COLEC11: variants seen among roughly 807,000 people sequenced by gnomAD.
COLEC11 encodes collectin subfamily member 11.
COLEC11 carries 20 observed loss-of-function variants against 27.3 expected under a neutral mutation model. The ratio of observed to expected loss-of-function variants is 0.73; its 90% CI spans 0.51 to 1.06. The LOEUF (loss-of-function observed/expected upper bound fraction) is 1.06. Among genes scored for constraint, COLEC11 ranks in the 50% least tolerant of loss-of-function variants. The pLI is 0.00. For missense variants in COLEC11, 310 were observed against 383.0 expected, an observed-to-expected ratio of 0.81 and a Z score of 1.59; for synonymous variants, 163 against 154.7, an observed-to-expected ratio of 1.05 and a Z score of -0.40.
rs187190776 is a variant in COLEC11 at position 3,624,250 on chromosome 2, G to A, written c.202+10868G>A. Among the ~76,000 whole-genome samples the A allele has an allele frequency of 8.1e-3, 1,236 of 152,310 alleles. 11 individuals are homozygous for A. The highest frequency in any genetic ancestry group is 0.058 in the Middle Eastern group (17 of 294). On this transcript the variant is annotated intron_variant, in intron 3 of 6. Transcript: ENST00000349077. ...AGATGCTGGCACTTGCCATCTGTGG[G>A]GGTGCCTTTGGGGAGCTGGCAGAGT...
rs1218216522 is a variant in COLEC11 at position 3,637,604 on chromosome 2, G to A, written c.274G>A (p.Gly92Ser). The change falls in exon 4 of 7, where the codon GGT (glycine) becomes AGT (serine). Residue 92 changes from glycine (G) to serine (S), a missense_variant and splice_region_variant. Coordinates refer to ENST00000349077, the MANE Select transcript of COLEC11 (RefSeq NM_024027.5). ...HGKIGPIGSK[G>S]EKGDSGDIGP... is the part of the protein sequence containing the mutation. ...AAAAATTGGTCCCATTGGCTCTAAAGGTATTTGCAATGCGATTCTTGCCTC... is the reference window on the plus strand; with the variant it reads ...AAAAATTGGTCCCATTGGCTCTAAAAGTATTTGCAATGCGATTCTTGCCTC... 2 of 1,613,430 alleles carry A rather than the reference G, an allele frequency of 1.2e-6. No individual in the cohort carries two copies. Among genetic ancestry groups the A allele is most frequent in the Non-Finnish European group, 1.7e-6 (2 of 1,179,366 alleles).
intron 3 of COLEC11, among the ~76,000 whole-genome samples, chr2:3,620,465 CA>C (rs1442593638): frequency 1.3e-5 from 2 of 151,514 alleles, no homozygotes; most frequent in Admixed American, 6.6e-5. Context: ...AAAGGTTCGT[CA>C]ATTTTTTTTT....
At chr2:3,643,335 G>A in intron 5 of COLEC11, 109 bp from the exon 6 acceptor site, 2 of 922,404 alleles carry the variant, frequency 2.2e-6, no homozygotes, top group Non-Finnish European at 3.6e-6. Context: ...AAAGGCCCGT[G>A]GGGCACGTTT....
At chr2:3,643,615 C>T in intron 6 of COLEC11, 76 bp downstream of exon 6, 1 of 1,594,878 alleles carries the variant, frequency 6.3e-7, no homozygotes, top group Non-Finnish European at 8.6e-7. Flanking sequence ...AAGGGCTCTG[C>T]CGTGCCCACG....
chr2:3,603,337 G>T, intron 1 of COLEC11: 3 of 206,818 alleles, frequency 1.5e-5, no homozygotes, highest in South Asian at 1.3e-4. Context: ...ATTTTTTTTT[G>T]GGACGGAGTC....
intron 3 of COLEC11, among the ~76,000 whole-genome samples, chr2:3,633,203 T>C (rs977397339): frequency 2.6e-5 from 4 of 152,146 alleles, no homozygotes; most frequent in Admixed American, 6.5e-5. Context: ...AGGACCGGGA[T>C]GGTGAGGCCC....
At chr2:3,616,495 G>T (rs1370881944) in intron 3 of COLEC11, among the ~76,000 whole-genome samples, 1 of 152,236 alleles carries the variant, frequency 6.6e-6, no homozygotes, top group Admixed American at 6.5e-5. Context: ...ACGAGACTCC[G>T]TCTGCAATCC....
chr2:3,637,479 A>C, intron 3 of COLEC11, 54 bp from the exon 4 acceptor site: 1 of 1,387,856 alleles, frequency 7.2e-7, no homozygotes, highest in Non-Finnish European at 1.0e-6. Flanking sequence ...GTGATGGAGG[A>C]GGCCACGGTG....
rs141032325 is a variant in COLEC11, at chr2:3,606,208, C to G, written c.130+1738C>G. The G allele has an allele frequency of 5.4e-4, 830 of 1,550,416 alleles. 1 individual carries two copies. In the African/African-American group the frequency reaches 0.01, roughly 19 times the overall value. ...CCCTGCCCAATGTGGTGGGTGCCTCCGAGTCCCTACGGTTGTCTTCCCTGC... is the reference window on the plus strand; with the variant it reads ...CCCTGCCCAATGTGGTGGGTGCCTCGGAGTCCCTACGGTTGTCTTCCCTGC... On this transcript the variant is annotated intron_variant, in intron 2 of 6. Transcript: ENST00000349077.
chr2:3,626,664 C>T (rs1418533906), intron 3 of COLEC11, among the ~76,000 whole-genome samples: 1 of 152,210 alleles, frequency 6.6e-6, no homozygotes, highest in African/African-American at 2.4e-5. Context: ...TTCTGATAAT[C>T]GTGGCTGTTT....
At position 3,643,473 on chromosome 2, in the gene COLEC11, A is replaced by G; in HGVS notation, c.358A>G (p.Lys120Glu). The G allele has an allele frequency of 1.9e-6, 3 of 1,613,812 alleles. No individual in the cohort carries two copies. Among genetic ancestry groups the G allele is most frequent in the African/African-American group, 1.3e-5 (1 of 75,068 alleles). ...GLPCECSQLRKAIGEMDNQVS... is the reference protein window; with the variant it reads ...GLPCECSQLREAIGEMDNQVS... ...CCCATGTGAGTGCAGCCAGCTGCGCAAGGCCATCGGGGAGATGGACAACCA... is the reference window on the plus strand; with the variant it reads ...CCCATGTGAGTGCAGCCAGCTGCGCGAGGCCATCGGGGAGATGGACAACCA... The change falls in exon 6 of 7, where the codon AAG (lysine) becomes GAG (glutamate). Residue 120 changes from lysine to glutamate, a missense_variant. Transcript: ENST00000349077.
intron 3 of COLEC11, among the ~76,000 whole-genome samples, chr2:3,627,332 C>G (rs13011592): frequency 1.5e-5 from 2 of 132,204 alleles, no homozygotes; most frequent in Admixed American, 7.3e-5. Context: ...GGGGGCATGA[C>G]GATGGGGTGG....
Position 3,630,779 on chromosome 2 carries a change from C to T in COLEC11, c.203-6754C>T, listed in dbSNP as rs145958910. ...TACATGTTATTCTTCTTTGGTCCTC[C>T]ACAAAGAGAACAAGCAAAATGCCTT... On this transcript the variant is annotated intron_variant, in intron 3 of 6. Coordinates refer to ENST00000349077, the MANE Select transcript of COLEC11 (RefSeq NM_024027.5). Among the ~76,000 whole-genome samples the T allele has an allele frequency of 7.2e-3, 1,098 of 152,266 alleles. 10 individuals carry two copies. The highest frequency in any genetic ancestry group is 0.051 in the Middle Eastern group (15 of 294).
Position 3,644,143 on chromosome 2 carries a change from G to A in COLEC11, c.*25G>A. Reference sequence around the variant, plus strand: ...AGCCTCAGGCTGGGGCTGCCCATTGGGGGCCCCACATGTCCCTGCAGGGTT... The same window carrying A: ...AGCCTCAGGCTGGGGCTGCCCATTGAGGGCCCCACATGTCCCTGCAGGGTT... On this transcript the variant is annotated 3_prime_UTR_variant, in exon 7 of 7. Transcript: ENST00000349077. 2 of 1,603,580 alleles carry A rather than the reference G, an allele frequency of 1.2e-6. No homozygotes were observed. The highest frequency in any genetic ancestry group is 8.5e-7 in the Non-Finnish European group (1 of 1,179,976).
rs772312145 is a variant in COLEC11, at chr2:3,643,743, C to T, written c.441C>T (p.Arg147=). The part of the protein sequence containing the change: ...KFIKNAVAGV[R]ETESKIYLLV... ...ACCCCACAGCTGTCGCCGGTGTGCGCGAGACGGAGAGCAAGATCTACCTGC... is the reference window on the plus strand; with the variant it reads ...ACCCCACAGCTGTCGCCGGTGTGCGTGAGACGGAGAGCAAGATCTACCTGC... The change falls in exon 7 of 7, where the codon CGC becomes CGT. Residue 147 remains arginine, a synonymous_variant. Coordinates refer to ENST00000349077, the MANE Select transcript of COLEC11 (RefSeq NM_024027.5). 15 of 1,613,630 alleles carry T rather than the reference C, an allele frequency of 9.3e-6. No individual in the cohort carries two copies. The highest frequency in any genetic ancestry group is 4.5e-5 in the East Asian group (2 of 44,880).
chr2:3,626,692 T>C (rs1001727640), intron 3 of COLEC11, among the ~76,000 whole-genome samples: 1 of 152,374 alleles, frequency 6.6e-6, no homozygotes, highest in East Asian at 1.9e-4. Context: ...CTGTAAGTGC[T>C]CTGTTCTGGA....
chr2:3,636,806 G>A (rs537291679), intron 3 of COLEC11, among the ~76,000 whole-genome samples: 62 of 152,278 alleles, frequency 4.1e-4, no homozygotes, highest in African/African-American at 1.4e-3. Flanking sequence ...GGTGACAGCG[G>A]CATTCTTCAG....
chr2:3,623,122 T>G (rs564086357), intron 3 of COLEC11, among the ~76,000 whole-genome samples: 135 of 152,352 alleles, frequency 8.9e-4, no homozygotes, highest in South Asian at 8.3e-4. Context: ...CACTTTCTCC[T>G]GGCCTGCAAG....
Position 3,643,553 on chromosome 2 carries a change from G to T in COLEC11, c.424+14G>T. The stretch of plus-strand genomic sequence containing the variant: ...TCATCAAGAATGGTATGTGGCTCCC[G>T]GCGCCGCCCTCGCTCCCTCCCACCT... On this transcript the variant is annotated intron_variant, in intron 6 of 6. Coordinates refer to ENST00000349077, the MANE Select transcript of COLEC11 (RefSeq NM_024027.5). 1 of 1,611,354 alleles carries T rather than the reference G, an allele frequency of 6.2e-7. No individual in the cohort carries two copies. The highest frequency in any genetic ancestry group is 8.5e-7 in the Non-Finnish European group (1 of 1,177,924).
Sources: allele counts gnomAD v4.1 joint callset (sites outside exome capture counted in the v4.1 genomes callset), GRCh38; gene constraint gnomAD v4.1.1; transcripts MANE v1.5; gene names NCBI Gene and HGNC (gene_info 2026-07-23, HGNC 2026-07-21).